The following MYOM1 variants were observed in gnomAD, a reference collection of about 807,000 sequenced individuals.
MYOM1 encodes myomesin 1, also known as myomesin-1.
A neutral mutation model predicts 205.3 loss-of-function variants in MYOM1; 164 were observed. That is an observed-to-expected ratio of 0.80 (90% CI 0.70 to 0.91). The LOEUF (loss-of-function observed/expected upper bound fraction) is 0.91, where lower values mean the gene tolerates loss of function less well. Among genes scored for constraint, MYOM1 ranks in the 40% least tolerant of loss-of-function variants. The pLI is 0.00. For synonymous variants in MYOM1, 772 were observed against 789.4 expected (o/e 0.98, Z 0.37); for missense variants, 2,011 against 2,127.3 (o/e 0.95, Z 1.08).
At chr18:3,186,014 G>A (rs993497926) in intron 5 of MYOM1, among the ~76,000 whole-genome samples, 3 of 152,042 alleles carry the variant, frequency 2.0e-5, no homozygotes, top group Admixed American at 6.6e-5. Context: ...TGGCCAACAC[G>A]GCAAAACCCC....
At chr18:3,181,678 T>C (rs557679915) in intron 5 of MYOM1, among the ~76,000 whole-genome samples, 31 of 152,168 alleles carry the variant, frequency 2.0e-4, no homozygotes, top group African/African-American at 4.8e-4. Flanking sequence ...ATGGGCTTAA[T>C]GACACATTTC....
At chr18:3,160,115 C>CT (rs1248186633) in intron 10 of MYOM1, among the ~76,000 whole-genome samples, 42 of 148,370 alleles carry the variant, frequency 2.8e-4, no homozygotes, top group South Asian at 1.7e-3. Flanking sequence ...TCTTCTTCTT[C>CT]TCTTCCTCCT....
intron 25 of MYOM1, among the ~76,000 whole-genome samples, chr18:3,098,214 A>C (rs1396001686): frequency 6.6e-6 from 1 of 152,142 alleles, no homozygotes; most frequent in Non-Finnish European, 1.5e-5. Context: ...TTTTTCCTGA[A>C]TAGTTCATGG....
At position 3,102,482 on chromosome 18, in the gene MYOM1, C is replaced by T. The variant is rs2079392187; in HGVS notation, c.3567G>A (p.Lys1189=). Residue 1189 remains lysine (K), a synonymous_variant, in exon 23 of 38, where the codon AAG becomes AAA. Coordinates refer to ENST00000356443, the MANE Select transcript of MYOM1 (RefSeq NM_003803.4). ...ATTGACATAGTCCTTACTTGTTGCC[C>T]TTGCTTTCGACTTCCAATCGTGGAG... ...EDSPRLEVES[K]GNKTKMTFKD... 6.2e-7 allele frequency: 1 copy of T among 1,610,672 alleles called. No homozygotes were observed. The highest frequency in any genetic ancestry group is 1.3e-5 in the African/African-American group (1 of 74,764).
intron 2 of MYOM1, among the ~76,000 whole-genome samples, chr18:3,213,301 T>C (rs1158252503): frequency 6.6e-6 from 1 of 152,232 alleles, no homozygotes; most frequent in African/African-American, 2.4e-5. Context: ...AAGTATGTTA[T>C]GTTTATAGCA....
intron 22 of MYOM1, among the ~76,000 whole-genome samples, chr18:3,109,981 G>T (rs2079502861): frequency 6.6e-6 from 1 of 151,866 alleles, no homozygotes; most frequent in Non-Finnish European, 1.5e-5. Flanking sequence ...GTGTGGCTCA[G>T]GACTAAAATG....
intron 18 of MYOM1, among the ~76,000 whole-genome samples, chr18:3,128,462 G>A (rs2143873795): frequency 6.6e-6 from 1 of 152,262 alleles, no homozygotes; most frequent in African/African-American, 2.4e-5. Flanking sequence ...ATCCTAATCA[G>A]ATCATTCTTA....
rs2079839018 is a variant in MYOM1 at position 3,129,255 on chromosome 18, G to A, written c.2771C>T (p.Pro924Leu). Residue 924 changes from proline to leucine, a missense_variant, in exon 18 of 38, where the codon CCC becomes CTC. Pro to Leu is a moderately conservative substitution (Grantham distance 98). Coordinates refer to ENST00000356443, the MANE Select transcript of MYOM1 (RefSeq NM_003803.4). ...AAPQGKSKSD[P>L]LKKKTDRAPP... is the part of the protein sequence containing the mutation. ...ACCTCTGTCTGTCTTCTTTTTCAGG[G>A]GGTCAGACTTACTTTTCCCCTGAGG... 1.2e-6 allele frequency: 2 copies of A among 1,613,730 alleles called. No homozygotes were observed. The highest frequency in any genetic ancestry group is 1.7e-4 in the Middle Eastern group (1 of 6,014).
At chr18:3,076,902 C>G (rs901778152) in intron 34 of MYOM1, among the ~76,000 whole-genome samples, 11 of 151,802 alleles carry the variant, frequency 7.2e-5, no homozygotes, top group African/African-American at 2.4e-4. Context: ...TTTGTAGAGA[C>G]GGGGTTTCAC....
At chr18:3,095,311 G>A (rs888622200) in intron 25 of MYOM1, among the ~76,000 whole-genome samples, 8 of 152,278 alleles carry the variant, frequency 5.3e-5, no homozygotes, top group African/African-American at 1.9e-4. Context: ...GCTCACGCCT[G>A]TAATCCTAAT....
chr18:3,105,813 C>A (rs2079444555), intron 22 of MYOM1, among the ~76,000 whole-genome samples: 1 of 152,154 alleles, frequency 6.6e-6, no homozygotes. Context: ...TGAGATCACA[C>A]CACTGCAGTC....
In MYOM1 at chr18:3,125,412, G is replaced by T. The variant is rs576073643; in HGVS notation, c.2991+1289C>A. The stretch of plus-strand genomic sequence containing the variant: ...ATGGAATACCATACCATATAGCAAT[G>T]AAAAAGAATGAGTTATAGCCACATG... On this transcript the variant is annotated intron_variant, in intron 19 of 37. Coordinates refer to ENST00000356443, the MANE Select transcript of MYOM1 (RefSeq NM_003803.4). 4.6e-5 allele frequency among the ~76,000 whole-genome samples: 7 copies of T among 152,216 alleles called. No homozygotes were observed. In the South Asian group the frequency reaches 1.4e-3, roughly 32 times the overall value.
intron 5 of MYOM1, among the ~76,000 whole-genome samples, chr18:3,186,890 AAGAG>A (rs143781844): frequency 2.0e-5 from 3 of 151,320 alleles, no homozygotes; most frequent in Non-Finnish European, 4.4e-5. Flanking sequence ...GAAAGAAAGA[AAGAG>A]AAAGAAGGAA....
chr18:3,075,403 T>C (rs1432461483), intron 36 of MYOM1, 51 bp downstream of exon 36: 32 of 1,544,060 alleles, frequency 2.1e-5, no homozygotes, highest in Non-Finnish European at 2.8e-5. Flanking sequence ...AAATTATCTT[T>C]TGAATCTATC....
chr18:3,112,248 C>T, intron 22 of MYOM1, 50 bp downstream of exon 22: 1 of 1,492,308 alleles, frequency 6.7e-7, no homozygotes, highest in Non-Finnish European at 9.3e-7. Context: ...AACCTTAGTT[C>T]AGTATCTTAC....
intron 6 of MYOM1, 118 bp from the exon 7 acceptor site, chr18:3,174,326 G>T (rs139134495): frequency 1.3e-6 from 1 of 795,828 alleles, no homozygotes; most frequent in Non-Finnish European, 2.1e-6. Flanking sequence ...CTAACACATG[G>T]CTCTTTGGTT....
intron 25 of MYOM1, among the ~76,000 whole-genome samples, chr18:3,097,662 T>C (rs1222498498): frequency 6.6e-6 from 1 of 152,056 alleles, no homozygotes; most frequent in Non-Finnish European, 1.5e-5. Context: ...CCGCCTTGGC[T>C]TTCCTAAGTG....
chr18:3,231,833 C>T, the MYOM1 span, among the ~76,000 whole-genome samples: 30 of 144,078 alleles, frequency 2.1e-4, no homozygotes, highest in Admixed American at 1.8e-3. Context: ...TGAGCCACTG[C>T]GCCCAGCCGC....
At chr18:3,229,683 G>T in the MYOM1 span, among the ~76,000 whole-genome samples, 1 of 152,128 alleles carries the variant, frequency 6.6e-6, no homozygotes, top group Non-Finnish European at 1.5e-5. Flanking sequence ...ACAGTAGTGA[G>T]ATGTGGCCGG....
Sources: gnomAD v4.1 joint callset for allele counts (sites outside exome capture counted in the v4.1 genomes callset) on GRCh38, gnomAD v4.1.1 for gene constraint, MANE v1.5 for transcripts, NCBI Gene and HGNC (gene_info 2026-07-23, HGNC 2026-07-21) for gene names.